The following NEK11 variants were observed in gnomAD, a reference collection of about 807,000 sequenced individuals.
NEK11 encodes the protein serine/threonine-protein kinase Nek11.
In NEK11, 72 loss-of-function variants were observed where a neutral mutation model predicts 80.7. The ratio of observed to expected loss-of-function variants is 0.89; its 90% CI spans 0.74 to 1.08. NEK11 has a LOEUF of 1.08. Ranked by LOEUF, NEK11 falls within the 50% of genes least tolerant of loss-of-function variation. The pLI, the probability that NEK11 is intolerant of heterozygous loss-of-function variation, is 0.00. For synonymous variants in NEK11, 251 were observed against 260.7 expected (o/e 0.96, Z 0.36); for missense variants, 764 against 763.6 (o/e 1.00, Z -0.01).
At chr3:131,192,341 G>A (rs888244069) in intron 14 of NEK11, among the ~76,000 whole-genome samples, 10 of 152,160 alleles carry the variant, frequency 6.6e-5, no homozygotes, top group Admixed American at 6.5e-5. Flanking sequence ...TGGTGGGAAT[G>A]TTAAGATGAG....
chr3:131,256,025 A>G (rs2095808869), intron 16 of NEK11, among the ~76,000 whole-genome samples: 1 of 152,202 alleles, frequency 6.6e-6, no homozygotes, highest in South Asian at 2.1e-4. Flanking sequence ...GCTTAAATAA[A>G]CAGTTAAATT....
chr3:131,070,559 A>G lies in NEK11; in HGVS notation c.171-9864A>G, dbSNP rs1172400612. 3.9e-5 allele frequency among the ~76,000 whole-genome samples: 6 copies of G among 152,342 alleles called. No individual in the cohort carries two copies. The East Asian group carries it at 1.2e-3, about 29-fold the overall frequency. Reference sequence around the variant, plus strand: ...TGTAACTCTCAAATGATAATGAAGAACAGACATAGGGTCATTAGTGCCTCA... The same window carrying G: ...TGTAACTCTCAAATGATAATGAAGAGCAGACATAGGGTCATTAGTGCCTCA... On this transcript the variant is annotated intron_variant, in intron 3 of 17. Transcript: ENST00000383366.
chr3:131,334,643 C>T (rs2097150994), intron 17 of NEK11, among the ~76,000 whole-genome samples: 1 of 151,466 alleles, frequency 6.6e-6, no homozygotes, highest in Non-Finnish European at 1.5e-5. Flanking sequence ...GAAATAGAGA[C>T]ACAAAAAACC....
At position 131,275,009 on chromosome 3, in the gene NEK11, T is replaced by C. The variant is rs1184947218; in HGVS notation, c.1718+1435T>C. 2.0e-5 allele frequency among the ~76,000 whole-genome samples: 3 copies of C among 152,160 alleles called. No homozygotes were observed. In the East Asian group the frequency reaches 5.8e-4, roughly 29 times the overall value. On this transcript the variant is annotated intron_variant, in intron 17 of 17. Coordinates refer to ENST00000383366, the MANE Select transcript of NEK11 (RefSeq NM_024800.5). ...ACTGGTGTGAGATGGTATCTCATTGTGGTTTTGATTTGCATTTCTCTGATG... is the reference window on the plus strand; with the variant it reads ...ACTGGTGTGAGATGGTATCTCATTGCGGTTTTGATTTGCATTTCTCTGATG...
At chr3:131,042,271 T>G (rs1307926042) in intron 3 of NEK11, among the ~76,000 whole-genome samples, 1 of 151,808 alleles carries the variant, frequency 6.6e-6, no homozygotes, top group African/African-American at 2.4e-5. Context: ...AACTGTTCAC[T>G]CCCCTGGAAA....
At chr3:131,178,306 C>CAAA (rs2093152494) in intron 14 of NEK11, among the ~76,000 whole-genome samples, 1 of 152,122 alleles carries the variant, frequency 6.6e-6, no homozygotes, top group South Asian at 2.1e-4. Flanking sequence ...AAATATTTTT[C>CAAA]TTCAACAGTA....
chr3:131,102,342 C>T (rs1025795501), intron 4 of NEK11, among the ~76,000 whole-genome samples: 1 of 152,098 alleles, frequency 6.6e-6, no homozygotes, highest in Non-Finnish European at 1.5e-5. Flanking sequence ...TTTAGCACTC[C>T]CTTAAGGACC....
rs191914931 is a variant in NEK11 at position 131,178,304 on chromosome 3, T to C, written c.1399+7417T>C. On this transcript the variant is annotated intron_variant, in intron 14 of 17. Coordinates refer to ENST00000383366, the MANE Select transcript of NEK11 (RefSeq NM_024800.5). The stretch of plus-strand genomic sequence containing the variant: ...TACTAAATTTATTTTGAAAATATTT[T>C]TCTTCAACAGTAAATTAACCTCAGC... Among the ~76,000 whole-genome samples, 138 of 152,318 alleles carry C rather than the reference T, an allele frequency of 9.1e-4. 1 individual carries two copies. Among genetic ancestry groups the C allele is most frequent in the African/African-American group, 3.2e-3 (134 of 41,564 alleles).
At chr3:131,089,798 A>T (rs1228045721) in intron 4 of NEK11, among the ~76,000 whole-genome samples, 1 of 152,114 alleles carries the variant, frequency 6.6e-6, no homozygotes, top group Non-Finnish European at 1.5e-5. Flanking sequence ...GATAATAGGG[A>T]TATGCATTTT....
At chr3:131,318,322 C>A (rs2109647482) in intron 17 of NEK11, among the ~76,000 whole-genome samples, 1 of 152,244 alleles carries the variant, frequency 6.6e-6, no homozygotes, top group South Asian at 2.1e-4. Flanking sequence ...GAAGCAGTTA[C>A]TTTCATACAG....
Position 131,080,406 on chromosome 3 carries a change from AT to A in NEK11, c.171-9del, listed in dbSNP as rs770612772. 354 of 1,567,890 alleles carry A rather than the reference AT, an allele frequency of 2.3e-4. 1 individual carries two copies. Among genetic ancestry groups the A allele is most frequent in the South Asian group, 4.6e-4 (39 of 85,180 alleles). On this transcript the variant is annotated splice_polypyrimidine_tract_variant and intron_variant, in intron 3 of 17. Transcript: ENST00000383366. ...TTTTTCAGCTCTAAATGTTTTTAAAATTTTTTTTGATCTCAGAAAGGTACTT... is the reference window on the plus strand; with the variant it reads ...TTTTTCAGCTCTAAATGTTTTTAAAATTTTTTTGATCTCAGAAAGGTACTT...
At chr3:131,184,621 A>G in intron 14 of NEK11, 1 of 357,236 alleles carries the variant, frequency 2.8e-6, no homozygotes, top group Non-Finnish European at 5.0e-6. Context: ...TTGGGGAAGC[A>G]GTAGAATAAC....
At chr3:131,077,954 C>G (rs549425482) in intron 3 of NEK11, among the ~76,000 whole-genome samples, 2 of 152,166 alleles carry the variant, frequency 1.3e-5, no homozygotes, top group Non-Finnish European at 2.9e-5. Flanking sequence ...GCCTAATAGG[C>G]TGTTTAAAAC....
chr3:131,117,715 A>G (rs1208019935), intron 5 of NEK11, among the ~76,000 whole-genome samples: 3 of 152,228 alleles, frequency 2.0e-5, no homozygotes, highest in African/African-American at 7.2e-5. Flanking sequence ...TTGGATTCCT[A>G]GGTATTTTAT....
intron 15 of NEK11, among the ~76,000 whole-genome samples, chr3:131,230,538 A>C (rs2095308824): frequency 6.6e-6 from 1 of 152,220 alleles, no homozygotes; most frequent in South Asian, 2.1e-4. Flanking sequence ...GAAGTTACTC[A>C]GTCAAGGTAT....
chr3:131,237,404 T>A lies in NEK11; in HGVS notation c.1561-6032T>A, dbSNP rs377307400. ...GGTCATTCATTTATGCATCACATAT[T>A]TGAATGGTCTAAGCACTGGGTATAT... On this transcript the variant is annotated intron_variant, in intron 15 of 17. Transcript: ENST00000383366. 3.9e-5 allele frequency among the ~76,000 whole-genome samples: 6 copies of A among 152,186 alleles called. No individual in the cohort carries two copies. In the East Asian group the frequency reaches 1.2e-3, roughly 29 times the overall value.
At chr3:131,124,870 T>G (rs530924289) in intron 5 of NEK11, among the ~76,000 whole-genome samples, 26 of 152,340 alleles carry the variant, frequency 1.7e-4, no homozygotes, top group Middle Eastern at 3.4e-3. Context: ...GACCTCAGTT[T>G]GAACCAATAG....
chr3:131,308,962 C>T (rs2109355510), intron 17 of NEK11, among the ~76,000 whole-genome samples: 1 of 152,250 alleles, frequency 6.6e-6, no homozygotes, highest in East Asian at 1.9e-4. Context: ...TGCAGTTCAC[C>T]ACAGAGTTTG....
chr3:131,124,073 A>C (rs1464095077), intron 5 of NEK11, among the ~76,000 whole-genome samples: 1 of 152,136 alleles, frequency 6.6e-6, no homozygotes, highest in Non-Finnish European at 1.5e-5. Context: ...TGGCTGTAAC[A>C]CGACCACGTA....
Sources: allele counts gnomAD v4.1 joint callset (sites outside exome capture counted in the v4.1 genomes callset), GRCh38; gene constraint gnomAD v4.1.1; transcripts MANE v1.5; gene names NCBI Gene and HGNC (gene_info 2026-07-23, HGNC 2026-07-21).